NT5E: variants seen among roughly 807,000 people sequenced by gnomAD.
NT5E encodes 5'-nucleotidase.
Under a neutral mutation model 55.1 loss-of-function variants are expected in NT5E, and 53 were observed. The observed-to-expected ratio is 0.96, with a 90% CI of 0.77 to 1.21. The LOEUF (loss-of-function observed/expected upper bound fraction) is 1.21. Among genes scored for constraint, NT5E ranks in the 50% most tolerant of loss-of-function variants. NT5E has a pLI of 0.00. For synonymous variants in NT5E, 270 were observed against 278.4 expected, an observed-to-expected ratio of 0.97 and a Z score of 0.30; for missense variants, 683 against 724.3, an observed-to-expected ratio of 0.94 and a Z score of 0.65.
At position 85,487,397 on chromosome 6, in the gene NT5E, G is replaced by C; in HGVS notation, c.1012G>C (p.Glu338Gln). The C allele has an allele frequency of 6.2e-7, 1 of 1,613,754 alleles. No individual in the cohort carries two copies. Among genetic ancestry groups the C allele is most frequent in the Non-Finnish European group, 8.5e-7 (1 of 1,179,680 alleles). Residue 338 changes from glutamate to glutamine, a missense_variant, in exon 5 of 9, where the codon GAA becomes CAA. Glu to Gln is a conservative substitution (Grantham distance 29). Transcript: ENST00000257770. ...AAAATTGGATAATTATTCTACCCAGGAATTAGGGAAAACAATTGTCTATCT... is the reference window on the plus strand; with the variant it reads ...AAAATTGGATAATTATTCTACCCAGCAATTAGGGAAAACAATTGTCTATCT... Reference protein sequence around the residue: ...RIKLDNYSTQELGKTIVYLDG... With the variant: ...RIKLDNYSTQQLGKTIVYLDG...
chr6:85,464,177 T>TA (rs1488091043), intron 1 of NT5E, among the ~76,000 whole-genome samples: 1 of 151,146 alleles, frequency 6.6e-6, no homozygotes. Context: ...GAAGTGGTTC[T>TA]AGTCCCAGCT....
chr6:85,471,936 C>T (rs986958716), intron 3 of NT5E, among the ~76,000 whole-genome samples: 4 of 152,174 alleles, frequency 2.6e-5, no homozygotes, highest in African/African-American at 9.6e-5. Flanking sequence ...TCCTGGAAGC[C>T]ACATGACCCT....
intron 1 of NT5E, among the ~76,000 whole-genome samples, chr6:85,457,750 G>A (rs1769017212): frequency 6.6e-6 from 1 of 152,138 alleles, no homozygotes; most frequent in Non-Finnish European, 1.5e-5. Flanking sequence ...TCTTCATTCA[G>A]CATTACTACA....
intron 3 of NT5E, 149 bp downstream of exon 3, chr6:85,471,574 A>G: frequency 2.5e-6 from 1 of 407,510 alleles, no homozygotes; most frequent in Non-Finnish European, 4.3e-6. Flanking sequence ...TATACATTAA[A>G]TGGGAACATG....
chr6:85,486,455 C>A (rs1769665009), intron 4 of NT5E, among the ~76,000 whole-genome samples: 1 of 151,998 alleles, frequency 6.6e-6, no homozygotes, highest in African/African-American at 2.4e-5. Context: ...GCAAGATGAG[C>A]GTGTTTATAG....
intron 1 of NT5E, among the ~76,000 whole-genome samples, chr6:85,466,217 A>G (rs977544214): frequency 2.6e-5 from 4 of 152,108 alleles, no homozygotes; most frequent in Non-Finnish European, 2.9e-5. Flanking sequence ...ATGACAGACA[A>G]TGGGTGGTTT....
rs1769796349 is a variant in NT5E at position 85,492,046 on chromosome 6, C to G, written c.1430C>G (p.Thr477Ser). Residue 477 changes from threonine to serine, a missense_variant, in exon 8 of 9, where the codon ACC becomes AGC. Thr to Ser is a moderately conservative substitution (Grantham distance 58). Transcript: ENST00000257770. ...DRVVKLDVLC[T>S]KCRVPSYDPL... ...GTAGTCAAATTAGATGTTCTTTGCA[C>G]CAAGTGTCGAGTGCCCAGTTATGAC... The G allele has an allele frequency of 1.2e-6, 2 of 1,614,168 alleles. No homozygotes were observed. The highest frequency in any genetic ancestry group is 1.7e-6 in the Non-Finnish European group (2 of 1,180,014).
At chr6:85,477,389 CAT>C (rs2127722589) in intron 3 of NT5E, among the ~76,000 whole-genome samples, 1 of 152,084 alleles carries the variant, frequency 6.6e-6, no homozygotes, top group Non-Finnish European at 1.5e-5. Context: ...TTTAGGCACA[CAT>C]ATTGAATATA....
rs542336535 is a variant in NT5E, at chr6:85,454,463, T to C, written c.339+3985T>C. On this transcript the variant is annotated intron_variant, in intron 1 of 8. Transcript: ENST00000257770. Reference sequence around the variant, plus strand: ...TTTTTTGATATGTTTGTTAACTTTTTAAGCTTCCTCTTCTCTAATTGCTTA... The same window carrying C: ...TTTTTTGATATGTTTGTTAACTTTTCAAGCTTCCTCTTCTCTAATTGCTTA... Among the ~76,000 whole-genome samples the C allele has an allele frequency of 3.9e-5, 6 of 152,374 alleles. No homozygotes were observed. In the East Asian group the frequency reaches 1.2e-3, roughly 29 times the overall value.
At chr6:85,466,460 A>G (rs1448593940) in intron 1 of NT5E, among the ~76,000 whole-genome samples, 1 of 152,172 alleles carries the variant, frequency 6.6e-6, no homozygotes, top group Non-Finnish European at 1.5e-5. Flanking sequence ...AGCCAGAGCC[A>G]CACTGGAACA....
At chr6:85,469,618 G>A (rs1055476179) in intron 2 of NT5E, among the ~76,000 whole-genome samples, 1 of 152,230 alleles carries the variant, frequency 6.6e-6, no homozygotes, top group African/African-American at 2.4e-5. Context: ...ACATAGCACT[G>A]AGGGTCAACG....
chr6:85,472,882 T>C (rs748251941), intron 3 of NT5E, among the ~76,000 whole-genome samples: 2 of 152,184 alleles, frequency 1.3e-5, no homozygotes, highest in African/African-American at 2.4e-5. Flanking sequence ...GTGAAATCAA[T>C]TTATGGGTTA....
chr6:85,471,000 A>G (rs913511802), intron 2 of NT5E, among the ~76,000 whole-genome samples: 2 of 152,254 alleles, frequency 1.3e-5, no homozygotes, highest in African/African-American at 4.8e-5. Flanking sequence ...AAGTTCAAGC[A>G]AAACAATATC....
chr6:85,487,661 G>A (rs540515693), intron 5 of NT5E, among the ~76,000 whole-genome samples, 172 bp downstream of exon 5: 1 of 152,344 alleles, frequency 6.6e-6, no homozygotes, highest in East Asian at 1.9e-4. Context: ...GGAGGCTTAG[G>A]TGGGAAGATG....
intron 3 of NT5E, among the ~76,000 whole-genome samples, chr6:85,483,478 GACA>G (rs755574843): frequency 2.0e-5 from 3 of 152,236 alleles, no homozygotes; most frequent in Non-Finnish European, 4.4e-5. Context: ...CACTGTCACA[GACA>G]ACATCTGCAT....
At chr6:85,465,253 A>G (rs907277930) in intron 1 of NT5E, among the ~76,000 whole-genome samples, 1 of 152,218 alleles carries the variant, frequency 6.6e-6, no homozygotes, top group African/African-American at 2.4e-5. Flanking sequence ...TGAAAACTAT[A>G]ACTTCAGTTA....
chr6:85,468,530 A>C (rs1340664311), intron 2 of NT5E, among the ~76,000 whole-genome samples: 3 of 152,220 alleles, frequency 2.0e-5, no homozygotes, highest in Non-Finnish European at 4.4e-5. Context: ...ACTATTGCCC[A>C]ATGACTGTGC....
chr6:85,494,157 C>A lies in NT5E; in HGVS notation c.*153C>A. ...GAGCATTATAAAATGAAGAGACAGA[C>A]ATGATTACTCAGGGTCAGCAACCTA... On this transcript the variant is annotated 3_prime_UTR_variant, in exon 9 of 9. Transcript: ENST00000257770. 1 of 753,106 alleles carries A rather than the reference C, an allele frequency of 1.3e-6. No individual in the cohort carries two copies. Among genetic ancestry groups the A allele is most frequent in the Non-Finnish European group, 2.2e-6 (1 of 458,392 alleles). 46.7% of individuals were successfully genotyped at this position (753,106 alleles called of 1,614,324 possible). A position where few individuals can be genotyped will look rare whatever the true frequency, so the allele number is the denominator to read the frequency against.
At chr6:85,482,952 C>G (rs1224964172) in intron 3 of NT5E, among the ~76,000 whole-genome samples, 1 of 152,184 alleles carries the variant, frequency 6.6e-6, no homozygotes, top group Admixed American at 6.5e-5. Flanking sequence ...TGGATAGCAT[C>G]TTCCTTCTTG....
Sources: gnomAD v4.1 joint callset for allele counts (sites outside exome capture counted in the v4.1 genomes callset) on GRCh38, gnomAD v4.1.1 for gene constraint, MANE v1.5 for transcripts, NCBI Gene and HGNC (gene_info 2026-07-23, HGNC 2026-07-21) for gene names.